Variants in RGS5 observed in about 807,000 individuals in gnomAD.
RGS5 encodes the protein regulator of G protein signaling 5.
In RGS5, 20 loss-of-function variants were observed where a neutral mutation model predicts 18.9. The observed-to-expected ratio is 1.06, with a 90% CI of 0.74 to 1.54. The LOEUF (loss-of-function observed/expected upper bound fraction) is 1.54. RGS5 is among the 40% of genes most tolerant of loss of function. RGS5 has a pLI of 0.00. For missense variants in RGS5, 201 were observed against 211.8 expected, an observed-to-expected ratio of 0.95 and a Z score of 0.32; for synonymous variants, 57 against 76.2, an observed-to-expected ratio of 0.75 and a Z score of 1.31.
chr1:163,280,092 TA>T (rs1281842858), intron 2 of RGS5, among the ~76,000 whole-genome samples: 2 of 152,086 alleles, frequency 1.3e-5, no homozygotes, highest in Non-Finnish European at 2.9e-5. Flanking sequence ...AAAGAAGAAC[TA>T]ATACCAATTC....
At chr1:163,241,581 C>T (rs1450709494) in intron 2 of RGS5, among the ~76,000 whole-genome samples, 2 of 152,160 alleles carry the variant, frequency 1.3e-5, no homozygotes, top group Admixed American at 6.5e-5. Flanking sequence ...ATGCAACCCA[C>T]GGTCGTTTAT....
At chr1:163,150,211 TAC>T (rs61355628) in intron 4 of RGS5, among the ~76,000 whole-genome samples, 29,297 of 152,036 alleles carry the variant, frequency 0.19, 3,306 homozygotes, top group South Asian at 0.29. Flanking sequence ...CTATTTTAAT[TAC>T]AGTCTTTCAA....
chr1:163,284,478 G>A (rs762410143), intron 2 of RGS5, among the ~76,000 whole-genome samples: 5 of 151,942 alleles, frequency 3.3e-5, no homozygotes, highest in Non-Finnish European at 7.4e-5. Context: ...CTTACTTTGA[G>A]CATATCTTTT....
In RGS5 at chr1:163,303,415, C is replaced by G. The variant is rs375098029; in HGVS notation, c.-281+2818G>C. Among the ~76,000 whole-genome samples the G allele has an allele frequency of 2.0e-5, 3 of 152,144 alleles. No individual in the cohort carries two copies. In the East Asian group the frequency reaches 5.8e-4, roughly 29 times the overall value. On this transcript the variant is annotated intron_variant, in intron 2 of 5. Transcript: ENST00000618415. ...GTGGTAATTTAGTCCAATCTTCTAG[C>G]TTGTGGATTATTTTTTTAAAAAGAG...
chr1:163,285,506 CT>C (rs1649119660), intron 2 of RGS5, among the ~76,000 whole-genome samples: 1 of 152,030 alleles, frequency 6.6e-6, no homozygotes, highest in South Asian at 2.1e-4. Flanking sequence ...GCACTCCAGT[CT>C]GGGTGACAGA....
Position 163,226,792 on chromosome 1 carries a change from AG to A in RGS5, c.-280-58425del, listed in dbSNP as rs200225495. Among the ~76,000 whole-genome samples, 949 of 152,336 alleles carry A rather than the reference AG, an allele frequency of 6.2e-3. 4 individuals carry two copies. Among genetic ancestry groups the A allele is most frequent in the Non-Finnish European group, 8.1e-3 (550 of 68,020 alleles). The stretch of plus-strand genomic sequence containing the variant: ...TTGCTATTATATCCAGTGGGAAAAA[AG>A]GGTTTCAAGTAATTAGCATTTTATT... On this transcript the variant is annotated intron_variant, in intron 2 of 5. Transcript: ENST00000618415.
chr1:163,199,146 C>T (rs892525201), intron 1 of RGS5, among the ~76,000 whole-genome samples: 2 of 152,038 alleles, frequency 1.3e-5, no homozygotes, highest in East Asian at 1.9e-4. Flanking sequence ...TAAATTGACG[C>T]GACTCTTTTC....
intron 2 of RGS5, among the ~76,000 whole-genome samples, chr1:163,256,603 C>T (rs1342694044): frequency 6.6e-6 from 1 of 152,156 alleles, no homozygotes; most frequent in East Asian, 1.9e-4. Context: ...AGGAACTTCA[C>T]AAAGAAAAGT....
At position 163,143,292 on chromosome 1, in the gene RGS5, T is replaced by C. The variant is rs1196088545; in HGVS notation, c.*4050A>G. 6.6e-6 allele frequency: 1 copy of C among 152,176 alleles called. No homozygotes were observed. Among genetic ancestry groups the C allele is most frequent in the Non-Finnish European group, 1.5e-5 (1 of 68,024 alleles). 9.4% of individuals were successfully genotyped at this position (152,176 alleles called of 1,614,324 possible). A position where few individuals can be genotyped will look rare whatever the true frequency, so the allele number is the denominator to read the frequency against. Reference sequence around the variant, plus strand: ...AGGTTTAATAGCAGTTGAGCCAGCATAAACCAAGATGCACCAAACTTCATG... The same window carrying C: ...AGGTTTAATAGCAGTTGAGCCAGCACAAACCAAGATGCACCAAACTTCATG... On this transcript the variant is annotated 3_prime_UTR_variant, in exon 5 of 5. Transcript: ENST00000313961.
At chr1:163,269,979 A>G (rs1487833576) in intron 2 of RGS5, among the ~76,000 whole-genome samples, 1 of 152,148 alleles carries the variant, frequency 6.6e-6, no homozygotes, top group Admixed American at 6.5e-5. Flanking sequence ...ATTAAACTCT[A>G]AAGAATTCAC....
intron 3 of RGS5, among the ~76,000 whole-genome samples, chr1:163,156,800 A>G (rs1175471007): frequency 6.6e-6 from 1 of 152,132 alleles, no homozygotes; most frequent in Non-Finnish European, 1.5e-5. Context: ...TCTCAATTTC[A>G]TTTTCTGAAA....
At chr1:163,282,434 T>A (rs535865360) in intron 2 of RGS5, among the ~76,000 whole-genome samples, 2 of 152,190 alleles carry the variant, frequency 1.3e-5, no homozygotes, top group African/African-American at 4.8e-5. Flanking sequence ...ATATGCCAGA[T>A]GTGGTGGTTC....
chr1:163,236,379 GA>G (rs34229168), intron 2 of RGS5, among the ~76,000 whole-genome samples: 30,940 of 149,146 alleles, frequency 0.21, 3,530 homozygotes, highest in Non-Finnish European at 0.26. Context: ...GAGTGAATTA[GA>G]AAAAAAAAAT....
At chr1:163,253,922 T>G (rs1224776440) in intron 2 of RGS5, among the ~76,000 whole-genome samples, 2 of 151,982 alleles carry the variant, frequency 1.3e-5, no homozygotes, top group Non-Finnish European at 2.9e-5. Flanking sequence ...GTTCTTGCGA[T>G]AGTTTACTGA....
intron 1 of RGS5, among the ~76,000 whole-genome samples, chr1:163,190,547 A>G (rs10753609): frequency 0.46 from 70,113 of 151,994 alleles, 16,771 homozygotes; most frequent in East Asian, 0.72. Context: ...CTTAGGACTG[A>G]CTATGGAACT....
At chr1:163,263,323 T>G (rs559357129) in intron 2 of RGS5, among the ~76,000 whole-genome samples, 2 of 152,334 alleles carry the variant, frequency 1.3e-5, no homozygotes, top group Non-Finnish European at 2.9e-5. Context: ...GAGTGTTGCT[T>G]CTTCAGATTC....
At chr1:163,205,037 T>C (rs1054638102), upstream of RGS5, among the ~76,000 whole-genome samples, 1 of 152,148 alleles carries the variant, frequency 6.6e-6, no homozygotes, top group Non-Finnish European at 1.5e-5. Context: ...TAAAATTCAA[T>C]AGAAATAATG....
chr1:163,160,956 C>T (rs182792985), intron 3 of RGS5, among the ~76,000 whole-genome samples: 105 of 152,246 alleles, frequency 6.9e-4, no homozygotes, highest in African/African-American at 2.5e-3. Flanking sequence ...AGTTTATAAC[C>T]TATCATAGAA....
chr1:163,229,885 T>C (rs1292905483), intron 2 of RGS5, among the ~76,000 whole-genome samples: 1 of 152,226 alleles, frequency 6.6e-6, no homozygotes, highest in African/African-American at 2.4e-5. Flanking sequence ...TATTCATTTC[T>C]AGATTCCCAG....
Sources: gnomAD v4.1 joint callset for allele counts (sites outside exome capture counted in the v4.1 genomes callset) on GRCh38, gnomAD v4.1.1 for gene constraint, MANE v1.5 for transcripts, NCBI Gene and HGNC (gene_info 2026-07-23, HGNC 2026-07-21) for gene names.